Variants in GPR158 observed in about 807,000 individuals in gnomAD.
GPR158 encodes the protein metabotropic glycine receptor.
A neutral mutation model predicts 78.2 loss-of-function variants in GPR158; 30 were observed. That is an observed-to-expected ratio of 0.38 (90% confidence interval 0.29 to 0.52). GPR158 has a LOEUF of 0.52. Ranked by LOEUF, GPR158 falls within the 20% of genes least tolerant of loss-of-function variation. GPR158 has a pLI of 0.83. For missense variants in GPR158, 1,463 were observed against 1,523.5 expected (o/e 0.96, Z 0.66); for synonymous variants, 581 against 591.1 (o/e 0.98, Z 0.25).
intron 1 of GPR158, among the ~76,000 whole-genome samples, chr10:25,182,169 T>C (rs1852618397): frequency 6.6e-6 from 1 of 152,196 alleles, no homozygotes; most frequent in African/African-American, 2.4e-5. Context: ...GTCCTATCAA[T>C]GTACAATGAG....
chr10:25,223,443 C>T lies in GPR158; in HGVS notation c.1008+2286C>T, dbSNP rs1588743420. ...TCTTCACACATTGTATTGGGCTTCTCTAAGGTCGTATAGTTTGTGCTGGTC... is the reference window on the plus strand; with the variant it reads ...TCTTCACACATTGTATTGGGCTTCTTTAAGGTCGTATAGTTTGTGCTGGTC... On this transcript the variant is annotated intron_variant, in intron 2 of 10. Coordinates refer to ENST00000376351, the MANE Select transcript of GPR158 (RefSeq NM_020752.3). 2.0e-5 allele frequency among the ~76,000 whole-genome samples: 3 copies of T among 152,270 alleles called. No homozygotes were observed. In the South Asian group the frequency reaches 6.2e-4, roughly 32 times the overall value.
At chr10:25,337,467 T>A (rs1217195677) in intron 2 of GPR158, among the ~76,000 whole-genome samples, 1 of 152,132 alleles carries the variant, frequency 6.6e-6, no homozygotes, top group Non-Finnish European at 1.5e-5. Flanking sequence ...TTCATGTATA[T>A]CTTGCGTAGC....
intron 4 of GPR158, among the ~76,000 whole-genome samples, chr10:25,448,153 A>C (rs530303025): frequency 2.0e-4 from 28 of 141,986 alleles, no homozygotes; most frequent in South Asian, 1.5e-3. Flanking sequence ...GGTGTGATCT[A>C]GGCTCACTGC....
At chr10:25,231,439 G>C (rs558285024) in intron 2 of GPR158, among the ~76,000 whole-genome samples, 1 of 152,306 alleles carries the variant, frequency 6.6e-6, no homozygotes, top group Non-Finnish European at 1.5e-5. Context: ...TTTCCAGCTA[G>C]AATGGGGTCA....
chr10:25,182,080 C>T (rs2130629349), intron 1 of GPR158, among the ~76,000 whole-genome samples: 1 of 152,084 alleles, frequency 6.6e-6, no homozygotes, highest in South Asian at 2.1e-4. Context: ...TTAATGAATG[C>T]TATATAAATG....
chr10:25,411,478 G>A (rs1044012154), intron 3 of GPR158, among the ~76,000 whole-genome samples: 10 of 152,216 alleles, frequency 6.6e-5, no homozygotes, highest in South Asian at 2.1e-4. Context: ...GTCTCATTTT[G>A]GATTCTGGGC....
At chr10:25,351,174 C>A (rs1404445507) in intron 2 of GPR158, among the ~76,000 whole-genome samples, 3 of 151,888 alleles carry the variant, frequency 2.0e-5, no homozygotes, top group Non-Finnish European at 4.4e-5. Flanking sequence ...TCCTAATATA[C>A]CTAGATATAC....
At position 25,241,331 on chromosome 10, in the gene GPR158, C is replaced by CTTCTCTTCTCTT. The variant is rs774956418; in HGVS notation, c.1008+20181_1008+20182insCTCTTTTCTCTT. Among the ~76,000 whole-genome samples, 13 of 123,862 alleles carry CTTCTCTTCTCTT rather than the reference C, an allele frequency of 1.0e-4. No homozygotes were observed. In the East Asian group the frequency reaches 1.2e-3, roughly 11 times the overall value. 81.3% of individuals were successfully genotyped at this position (123,862 alleles called of 152,430 possible). A position where few individuals can be genotyped will look rare whatever the true frequency, so the allele number is the denominator to read the frequency against. On this transcript the variant is annotated intron_variant, in intron 2 of 10. Transcript: ENST00000376351. ...TTTCTTTTCTCTTCTCTTCTCTTCT[C>CTTCTCTTCTCTT]TTCTCTTTTCTCTTTTCTCTTTTCT...
chr10:25,442,694 T>C (rs1835084449), intron 4 of GPR158, among the ~76,000 whole-genome samples: 1 of 152,150 alleles, frequency 6.6e-6, no homozygotes, highest in Admixed American at 6.6e-5. Flanking sequence ...ACCACATCTT[T>C]CTCATCCTTG....
chr10:25,427,374 G>A (rs1834839365), intron 4 of GPR158, among the ~76,000 whole-genome samples: 1 of 152,044 alleles, frequency 6.6e-6, no homozygotes, highest in Non-Finnish European at 1.5e-5. Context: ...GACCTCTGCT[G>A]TGTGTGCTTA....
intron 4 of GPR158, among the ~76,000 whole-genome samples, chr10:25,449,989 T>G (rs1835192164): frequency 7.7e-6 from 1 of 130,586 alleles, no homozygotes; most frequent in South Asian, 2.8e-4. Flanking sequence ...AAACAAAATT[T>G]AATAAAAATG....
At chr10:25,444,890 A>T (rs1423535190) in intron 4 of GPR158, among the ~76,000 whole-genome samples, 1 of 152,180 alleles carries the variant, frequency 6.6e-6, no homozygotes, top group African/African-American at 2.4e-5. Flanking sequence ...AAAGCTCCAG[A>T]TCATGAGACT....
intron 2 of GPR158, among the ~76,000 whole-genome samples, chr10:25,295,253 C>T (rs1854495398): frequency 6.6e-6 from 1 of 152,160 alleles, no homozygotes; most frequent in Non-Finnish European, 1.5e-5. Context: ...CTGTTATATC[C>T]ATAGTCCAAA....
rs1040740230 is a variant in GPR158 at position 25,211,287 on chromosome 10, G to A, written c.903-9765G>A. ...GATACCTGAGACTAGGTAATTTATA[G>A]AGATTAAAATCATTAGACATTTATT... On this transcript the variant is annotated intron_variant, in intron 1 of 10. Coordinates refer to ENST00000376351, the MANE Select transcript of GPR158 (RefSeq NM_020752.3). Among the ~76,000 whole-genome samples the A allele has an allele frequency of 1.1e-3, 166 of 152,112 alleles. 1 individual carries two copies. Among genetic ancestry groups the A allele is most frequent in the Non-Finnish European group, 2.2e-4 (15 of 68,028 alleles).
chr10:25,253,169 G>A (rs549359346), intron 2 of GPR158, among the ~76,000 whole-genome samples: 18 of 152,362 alleles, frequency 1.2e-4, no homozygotes, highest in South Asian at 4.1e-4. Context: ...GCCCTGCTTC[G>A]GCTCGCGCAC....
At chr10:25,236,456 C>T (rs976549187) in intron 2 of GPR158, among the ~76,000 whole-genome samples, 4 of 152,100 alleles carry the variant, frequency 2.6e-5, no homozygotes, top group East Asian at 1.9e-4. Flanking sequence ...TGCAGTGAGC[C>T]GAGATTGCAC....
chr10:25,435,151 A>T (rs2130581677), intron 4 of GPR158, among the ~76,000 whole-genome samples: 1 of 152,298 alleles, frequency 6.6e-6, no homozygotes, highest in South Asian at 2.1e-4. Flanking sequence ...GGGTGCACTA[A>T]GTTCTCAGGC....
intron 2 of GPR158, among the ~76,000 whole-genome samples, chr10:25,285,002 G>C (rs1342665233): frequency 6.6e-6 from 1 of 151,122 alleles, no homozygotes; most frequent in African/African-American, 2.4e-5. Context: ...TTATCTTTTA[G>C]ATAATATACA....
At chr10:25,255,106 C>T (rs1442087887) in intron 2 of GPR158, among the ~76,000 whole-genome samples, 1 of 152,186 alleles carries the variant, frequency 6.6e-6, no homozygotes, top group Non-Finnish European at 1.5e-5. Flanking sequence ...TATTGATTCC[C>T]TCTCAGTCTT....
Sources: gnomAD v4.1 joint callset for allele counts (sites outside exome capture counted in the v4.1 genomes callset) on GRCh38, gnomAD v4.1.1 for gene constraint, MANE v1.5 for transcripts, NCBI Gene and HGNC (gene_info 2026-07-23, HGNC 2026-07-21) for gene names.